The following FBXO31 variants were observed in gnomAD, a reference collection of about 807,000 sequenced individuals.
The protein encoded by FBXO31 is F-box protein 31, also known as F-box only protein 31.
A neutral mutation model predicts 54.4 loss-of-function variants in FBXO31; 24 were observed. That is an observed-to-expected ratio of 0.44 (90% CI 0.32 to 0.62). FBXO31 has a LOEUF of 0.62. Ranked by LOEUF, FBXO31 falls within the 20% of genes least tolerant of loss-of-function variation. The pLI is 0.05. For missense variants in FBXO31, 665 were observed against 787.1 expected, an observed-to-expected ratio of 0.84 and a Z score of 1.86; for synonymous variants, 388 against 335.6, an observed-to-expected ratio of 1.16 and a Z score of -1.71.
At chr16:87,379,375 TG>T (rs1906972373) in intron 1 of FBXO31, among the ~76,000 whole-genome samples, 1 of 152,166 alleles carries the variant, frequency 6.6e-6, no homozygotes, top group South Asian at 2.1e-4. Flanking sequence ...GCAGAGGGCA[TG>T]GGGTAGGTAC....
chr16:87,334,093 G>C lies in FBXO31; in HGVS notation c.1190C>G (p.Pro397Arg), dbSNP rs774271082. The C allele has an allele frequency of 3.9e-5, 62 of 1,610,164 alleles. No individual in the cohort carries two copies. The highest frequency in any genetic ancestry group is 8.5e-6 in the Non-Finnish European group (10 of 1,178,456). ...EAGEGRGRQG[P>R]RESQPSPAQP... ...GGCAGGGCTTGGCTGGGACTCCCGG[G>C]GGCCCTGCCGGCCACGACCCTCGCC... The change falls in exon 8 of 9, where the codon CCC becomes CGC. Residue 397 changes from proline to arginine, a missense_variant. Transcript: ENST00000311635.
intron 2 of FBXO31, among the ~76,000 whole-genome samples, chr16:87,350,125 G>A (rs756412422): frequency 1.5e-4 from 23 of 152,090 alleles, no homozygotes; most frequent in Non-Finnish European, 2.9e-4. Context: ...GGATCTCGGG[G>A]CTCTGCAGGC....
intron 1 of FBXO31, among the ~76,000 whole-genome samples, chr16:87,372,534 C>A (rs1304700350): frequency 6.6e-6 from 1 of 152,150 alleles, no homozygotes; most frequent in African/African-American, 2.4e-5. Flanking sequence ...GGCTCAACAA[C>A]TGTCTGCTAA....
chr16:87,370,450 G>A (rs1278825759), intron 1 of FBXO31, among the ~76,000 whole-genome samples: 1 of 152,240 alleles, frequency 6.6e-6, no homozygotes, highest in Non-Finnish European at 1.5e-5. Context: ...AGGTGCCTGA[G>A]TGTGGAGAGA....
chr16:87,337,225 A>C (rs145072154), intron 5 of FBXO31, among the ~76,000 whole-genome samples: 1 of 152,378 alleles, frequency 6.6e-6, no homozygotes, highest in East Asian at 1.9e-4. Flanking sequence ...CTTGGGAATA[A>C]ATGTTACAAA....
intron 2 of FBXO31, among the ~76,000 whole-genome samples, chr16:87,355,049 C>T (rs1318361891): frequency 6.6e-6 from 1 of 151,948 alleles, no homozygotes; most frequent in African/African-American, 2.4e-5. Context: ...CCACCCAGGA[C>T]AGTCCTACAC....
At chr16:87,387,017 G>A (rs372692190), upstream of FBXO31, among the ~76,000 whole-genome samples, 2 of 152,108 alleles carry the variant, frequency 1.3e-5, no homozygotes, top group Non-Finnish European at 2.9e-5. Context: ...AGAAAGAAAA[G>A]GCTGGGAGTG....
intron 2 of FBXO31, among the ~76,000 whole-genome samples, chr16:87,355,782 G>GC (rs1469204515): frequency 6.6e-6 from 1 of 152,180 alleles, no homozygotes; most frequent in Non-Finnish European, 1.5e-5. Context: ...TTCCTCGTGA[G>GC]CTACATGAAG....
chr16:87,386,216 T>C (rs1013747909), upstream of FBXO31: 15 of 151,974 alleles, frequency 9.9e-5, no homozygotes, highest in Admixed American at 7.2e-4. Flanking sequence ...GCTGAAAATA[T>C]AGGATGGAAA....
intron 1 of FBXO31, among the ~76,000 whole-genome samples, chr16:87,389,304 A>G (rs1907434103): frequency 1.3e-5 from 2 of 152,214 alleles, no homozygotes; most frequent in Admixed American, 1.3e-4. Flanking sequence ...ATTAGAAGTT[A>G]GGCGTAGAAG....
At chr16:87,375,418 G>A (rs140645473) in intron 1 of FBXO31, among the ~76,000 whole-genome samples, 2,648 of 152,278 alleles carry the variant, frequency 0.017, 40 homozygotes, top group Non-Finnish European at 0.028. Context: ...TTGAACCCGG[G>A]AGGTAGAGGA....
At chr16:87,352,945 T>C (rs1431826415) in intron 2 of FBXO31, among the ~76,000 whole-genome samples, 1 of 152,218 alleles carries the variant, frequency 6.6e-6, no homozygotes, top group East Asian at 1.9e-4. Context: ...TTGGCCCACG[T>C]GCCACAGGTG....
intron 1 of FBXO31, among the ~76,000 whole-genome samples, chr16:87,366,146 A>T (rs1906359524): frequency 2.0e-5 from 3 of 152,186 alleles, no homozygotes; most frequent in African/African-American, 7.2e-5. Flanking sequence ...GGGCTCCCAG[A>T]TGGGATTCTG....
chr16:87,342,848 A>C (rs1307325793), intron 5 of FBXO31, 29 bp downstream of exon 5: 1 of 1,578,468 alleles, frequency 6.3e-7, no homozygotes, highest in African/African-American at 1.3e-5. Context: ...TCCGCACCAT[A>C]TGAACACAGG....
At chr16:87,357,239 G>A (rs1905931947) in intron 2 of FBXO31, among the ~76,000 whole-genome samples, 1 of 149,280 alleles carries the variant, frequency 6.7e-6, no homozygotes, top group Admixed American at 6.7e-5. Flanking sequence ...GACAGACCCT[G>A]TCTCAAAAAA....
intron 1 of FBXO31, among the ~76,000 whole-genome samples, chr16:87,381,844 G>A (rs942115992): frequency 6.6e-6 from 1 of 152,048 alleles, no homozygotes; most frequent in African/African-American, 2.4e-5. Context: ...CCAACATAGT[G>A]AAACCCCCGT....
At chr16:87,380,653 G>C (rs1907037556) in intron 1 of FBXO31, among the ~76,000 whole-genome samples, 1 of 152,214 alleles carries the variant, frequency 6.6e-6, no homozygotes, top group Non-Finnish European at 1.5e-5. Flanking sequence ...CTGCCAAAGT[G>C]TGTTTTTAAT....
chr16:87,351,134 C>T lies in FBXO31; in HGVS notation c.413-3884G>A, dbSNP rs559442410. Among the ~76,000 whole-genome samples the T allele has an allele frequency of 5.6e-4, 85 of 152,332 alleles. 1 individual carries two copies. Among genetic ancestry groups the T allele is most frequent in the African/African-American group, 2.0e-3 (84 of 41,568 alleles). ...GGGGACACAGACTTCCTCGTGGAATCGCAAAGCCTGTGTCTGAGAACACGC... is the reference window on the plus strand; with the variant it reads ...GGGGACACAGACTTCCTCGTGGAATTGCAAAGCCTGTGTCTGAGAACACGC... On this transcript the variant is annotated intron_variant, in intron 2 of 8. Coordinates refer to ENST00000311635, the MANE Select transcript of FBXO31 (RefSeq NM_024735.5).
chr16:87,369,552 CG>C (rs1906508971), intron 1 of FBXO31, among the ~76,000 whole-genome samples: 1 of 152,206 alleles, frequency 6.6e-6, no homozygotes, highest in African/African-American at 2.4e-5. Flanking sequence ...GCAGGGACCA[CG>C]CTGTGTTCAT....
Sources: gnomAD v4.1 joint callset for allele counts (sites outside exome capture counted in the v4.1 genomes callset) on GRCh38, gnomAD v4.1.1 for gene constraint, MANE v1.5 for transcripts, NCBI Gene and HGNC (gene_info 2026-07-23, HGNC 2026-07-21) for gene names.